Variants in SLC41A2 observed in about 807,000 individuals in gnomAD.
The protein encoded by SLC41A2 is solute carrier family 41 member 2, also known as SLC41A1-like 1.
SLC41A2 carries 32 observed loss-of-function variants against 58.3 expected under a neutral mutation model. The observed-to-expected ratio is 0.55, with a 90% CI of 0.41 to 0.74. The LOEUF is 0.74. Among genes scored for constraint, SLC41A2 ranks in the 30% least tolerant of loss-of-function variants. SLC41A2 has a pLI of 0.00. For synonymous variants in SLC41A2, 190 were observed against 235.0 expected (o/e 0.81, Z 1.75); for missense variants, 514 against 680.6 (o/e 0.76, Z 2.72).
intron 1 of SLC41A2, among the ~76,000 whole-genome samples, chr12:104,947,842 G>A (rs767401663): frequency 1.3e-5 from 2 of 151,916 alleles, no homozygotes; most frequent in South Asian, 4.2e-4. Flanking sequence ...ATTTACAAAG[G>A]ACATCTAAAT....
intron 2 of SLC41A2, among the ~76,000 whole-genome samples, chr12:104,911,298 T>C (rs886334248): frequency 6.6e-6 from 1 of 152,196 alleles, no homozygotes; most frequent in African/African-American, 2.4e-5. Context: ...CCATACCTCC[T>C]GAGGCTGTAT....
intron 8 of SLC41A2, among the ~76,000 whole-genome samples, chr12:104,860,315 G>C (rs2043161123): frequency 6.6e-6 from 1 of 150,646 alleles, no homozygotes; most frequent in Admixed American, 6.6e-5. Flanking sequence ...TGGGTTGATA[G>C]GTGCAGCAAA....
chr12:104,886,720 C>A (rs1353926957), intron 5 of SLC41A2, among the ~76,000 whole-genome samples: 1 of 151,812 alleles, frequency 6.6e-6, no homozygotes, highest in East Asian at 1.9e-4. Context: ...GATTTAGTGA[C>A]ATGTATATCT....
At chr12:104,930,041 G>A (rs2046993277) in intron 1 of SLC41A2, among the ~76,000 whole-genome samples, 1 of 152,204 alleles carries the variant, frequency 6.6e-6, no homozygotes, top group Non-Finnish European at 1.5e-5. Context: ...TGTGATTACA[G>A]AGGGGTCTGG....
intron 10 of SLC41A2, among the ~76,000 whole-genome samples, chr12:104,824,840 G>T (rs1361014555): frequency 1.3e-5 from 2 of 152,166 alleles, no homozygotes; most frequent in African/African-American, 2.4e-5. Flanking sequence ...GAGGACAAGG[G>T]AAATTTTACC....
At chr12:104,933,995 C>G (rs940951933) in intron 1 of SLC41A2, among the ~76,000 whole-genome samples, 1 of 151,766 alleles carries the variant, frequency 6.6e-6, no homozygotes. Flanking sequence ...GTGATGGGTG[C>G]GCTATCCCAG....
chr12:104,832,117 C>A (rs1041154629), intron 10 of SLC41A2, among the ~76,000 whole-genome samples: 12 of 152,144 alleles, frequency 7.9e-5, no homozygotes, highest in East Asian at 7.7e-4. Flanking sequence ...CCTTCAGAAG[C>A]AGATGATCCA....
intron 6 of SLC41A2, among the ~76,000 whole-genome samples, chr12:104,876,002 C>T (rs954170453): frequency 6.6e-5 from 10 of 152,102 alleles, no homozygotes; most frequent in African/African-American, 2.4e-4. Context: ...TCTATTTGTT[C>T]CTCATTCAAT....
chr12:104,839,044 C>T (rs1158918104), intron 10 of SLC41A2, among the ~76,000 whole-genome samples: 3 of 152,150 alleles, frequency 2.0e-5, no homozygotes, highest in Non-Finnish European at 2.9e-5. Flanking sequence ...TACAACTAAG[C>T]TTTCAAAATA....
intron 6 of SLC41A2, among the ~76,000 whole-genome samples, chr12:104,879,898 C>T (rs2044274288): frequency 6.6e-6 from 1 of 152,158 alleles, no homozygotes; most frequent in South Asian, 2.1e-4. Flanking sequence ...TTCTTCCTAT[C>T]CATGAGCATG....
chr12:104,818,247 A>C (rs2041492310), intron 10 of SLC41A2, among the ~76,000 whole-genome samples: 1 of 152,214 alleles, frequency 6.6e-6, no homozygotes, highest in Admixed American at 6.5e-5. Context: ...AACCTGAAGG[A>C]TTTTAGACAC....
At chr12:104,943,914 T>C (rs1030233436) in intron 1 of SLC41A2, among the ~76,000 whole-genome samples, 3 of 152,156 alleles carry the variant, frequency 2.0e-5, no homozygotes, top group Non-Finnish European at 4.4e-5. Context: ...ATCTATCGCC[T>C]GAGAGCACAG....
intron 4 of SLC41A2, among the ~76,000 whole-genome samples, chr12:104,889,469 T>C (rs1432720686): frequency 1.3e-5 from 2 of 152,054 alleles, no homozygotes; most frequent in Non-Finnish European, 2.9e-5. Flanking sequence ...CCTAAGAAAA[T>C]GCCACCTTCA....
At chr12:104,874,261 AG>A (rs1457201788) in intron 6 of SLC41A2, among the ~76,000 whole-genome samples, 10 of 151,842 alleles carry the variant, frequency 6.6e-5, no homozygotes, top group Non-Finnish European at 1.5e-5. Context: ...TTTTTAGTAA[AG>A]ATGGGTTTTC....
intron 3 of SLC41A2, among the ~76,000 whole-genome samples, chr12:104,896,934 C>T (rs2045314026): frequency 6.6e-6 from 1 of 152,122 alleles, no homozygotes; most frequent in South Asian, 2.1e-4. Context: ...ACGCAGGTGT[C>T]CAGACTTCCT....
At chr12:104,859,454 T>C (rs2043129575) in intron 8 of SLC41A2, among the ~76,000 whole-genome samples, 1 of 152,078 alleles carries the variant, frequency 6.6e-6, no homozygotes, top group African/African-American at 2.4e-5. Context: ...TATAAATAAA[T>C]GATTGAGCAA....
At chr12:104,940,532 TAAA>T (rs74199054) in intron 1 of SLC41A2, among the ~76,000 whole-genome samples, 3 of 142,424 alleles carry the variant, frequency 2.1e-5, no homozygotes, top group East Asian at 2.0e-4. Context: ...AAATATAAGC[TAAA>T]AAAAAAAAAG....
intron 7 of SLC41A2, among the ~76,000 whole-genome samples, chr12:104,862,184 G>C (rs964247704): frequency 1.3e-5 from 2 of 152,110 alleles, no homozygotes; most frequent in African/African-American, 2.4e-5. Flanking sequence ...GAATGGGATT[G>C]TCAAAATATC....
At chr12:104,819,708 T>G (rs1256682780) in intron 10 of SLC41A2, among the ~76,000 whole-genome samples, 2 of 152,212 alleles carry the variant, frequency 1.3e-5, no homozygotes, top group Non-Finnish European at 2.9e-5. Context: ...GAGAAACACC[T>G]AGAGCTATAA....
Sources: gnomAD v4.1 joint callset for allele counts (sites outside exome capture counted in the v4.1 genomes callset) on GRCh38, gnomAD v4.1.1 for gene constraint, MANE v1.5 for transcripts, NCBI Gene and HGNC (gene_info 2026-07-23, HGNC 2026-07-21) for gene names.